BRIP1: variants seen among roughly 807,000 people sequenced by gnomAD.
The protein encoded by BRIP1 is BRCA1 interacting DNA helicase 1.
A neutral mutation model predicts 119.7 loss-of-function variants in BRIP1; 88 were observed. The observed-to-expected ratio is 0.74, with a 90% CI of 0.62 to 0.88. The LOEUF (loss-of-function observed/expected upper bound fraction) is 0.88, where lower values mean the gene tolerates loss of function less well. Among genes scored for constraint, BRIP1 ranks in the 40% least tolerant of loss-of-function variants. The pLI is 0.00. For synonymous variants in BRIP1, 443 were observed against 496.5 expected (o/e 0.89, Z 1.43); for missense variants, 1,259 against 1,455.4 (o/e 0.87, Z 2.20).
At chr17:61,785,454 T>A (rs1257043016) in intron 10 of BRIP1, among the ~76,000 whole-genome samples, 2 of 152,104 alleles carry the variant, frequency 1.3e-5, no homozygotes, top group East Asian at 3.8e-4. Flanking sequence ...GACAATAAAA[T>A]GTGTTCAATG....
At chr17:61,792,927 G>A (rs1270699965) in intron 10 of BRIP1, among the ~76,000 whole-genome samples, 1 of 152,166 alleles carries the variant, frequency 6.6e-6, no homozygotes, top group Non-Finnish European at 1.5e-5. Context: ...TGTGTATTGT[G>A]TATGTGTATA....
rs997615839 is a variant in BRIP1, at chr17:61,805,129, G to A, written c.918+3338C>T. On this transcript the variant is annotated intron_variant, in intron 7 of 19. Coordinates refer to ENST00000259008, the MANE Select transcript of BRIP1 (RefSeq NM_032043.3). This position sits in a 1 kb window ranked among gnomAD's most constrained non-coding sequence, Gnocchi z 5.6. ...TATGAATTATCCAAAAGGAGAATCC[G>A]TGTTTTCAAAACATACATACATCAA... Among the ~76,000 whole-genome samples, 12 of 152,064 alleles carry A rather than the reference G, an allele frequency of 7.9e-5. No homozygotes were observed. The highest frequency in any genetic ancestry group is 2.1e-4 in the South Asian group (1 of 4,818).
Position 61,679,820 on chromosome 17 carries a change from T to C in BRIP1, c.*3476A>G, listed in dbSNP as rs973464612. Among the ~76,000 whole-genome samples, 2 of 152,222 alleles carry C rather than the reference T, an allele frequency of 1.3e-5. No homozygotes were observed. The highest frequency in any genetic ancestry group is 4.8e-5 in the African/African-American group (2 of 41,462). On this transcript the variant is annotated 3_prime_UTR_variant, in exon 20 of 20. Transcript: ENST00000259008. This position sits in a 1 kb window ranked among gnomAD's most constrained non-coding sequence, Gnocchi z 4.4. ...TCTTTTAAAAGTATGTTATCAGTAA[T>C]GAAAATGGCCTACATCCTACTCTAT...
At position 61,858,163 on chromosome 17, in the gene BRIP1, A is replaced by G. The variant is rs138095548; in HGVS notation, c.206-932T>C. Among the ~76,000 whole-genome samples, 4 of 152,262 alleles carry G rather than the reference A, an allele frequency of 2.6e-5. No homozygotes were observed. The East Asian group carries it at 7.7e-4, about 29-fold the overall frequency. ...TGCCTACATTGTATACAAATGTACA[A>G]TTCATATACCCCCAAAAAAGCTAAA... On this transcript the variant is annotated intron_variant, in intron 3 of 19. Coordinates refer to ENST00000259008, the MANE Select transcript of BRIP1 (RefSeq NM_032043.3).
chr17:61,693,562 C>G lies in BRIP1; in HGVS notation c.2493-50G>C, dbSNP rs142108255. 2 of 1,448,450 alleles carry G rather than the reference C, an allele frequency of 1.4e-6. No individual in the cohort carries two copies. The highest frequency in any genetic ancestry group is 1.9e-6 in the Non-Finnish European group (2 of 1,030,846). 89.7% of individuals were successfully genotyped at this position (1,448,450 alleles called of 1,614,324 possible). On this transcript the variant is annotated intron_variant, in intron 17 of 19. Transcript: ENST00000259008. This position sits in a 1 kb window ranked among gnomAD's most constrained non-coding sequence, Gnocchi z 4.2. ...AATAATTATAACATCGGAAATAAAT[C>G]CAGTTTTCCAGTGGGACAGACAGAA... is the stretch of plus-strand genomic sequence containing the variant.
At position 61,738,190 on chromosome 17, in the gene BRIP1, T is replaced by C. The variant is rs2076943638; in HGVS notation, c.2379+4823A>G. On this transcript the variant is annotated intron_variant, in intron 16 of 19. Coordinates refer to ENST00000259008, the MANE Select transcript of BRIP1 (RefSeq NM_032043.3). The surrounding 1 kb of genome is among the most constrained non-coding windows in gnomAD (Gnocchi z 4.2). ...CCAACCAACCAAGCCCAAGCCTAGA[T>C]CATCTGTCACCCAATCACTCCAGAG... Among the ~76,000 whole-genome samples, 1 of 152,140 alleles carries C rather than the reference T, an allele frequency of 6.6e-6. No individual in the cohort carries two copies. Among genetic ancestry groups the C allele is most frequent in the Admixed American group, 6.5e-5 (1 of 15,282 alleles).
rs1243851178 is a variant in BRIP1, at chr17:61,689,035, TA to T, written c.2576-2871del. On this transcript the variant is annotated intron_variant, in intron 18 of 19. Transcript: ENST00000259008. This position sits in a 1 kb window ranked among gnomAD's most constrained non-coding sequence, Gnocchi z 4.5. Reference sequence around the variant, plus strand: ...TTATATATTTTATATTCTGTTATGTTATGTTATGTTATGTTATGTTATTTTT... The same window carrying T: ...TTATATATTTTATATTCTGTTATGTTTGTTATGTTATGTTATGTTATTTTT... 6.6e-6 allele frequency among the ~76,000 whole-genome samples: 1 copy of T among 151,462 alleles called. No individual in the cohort carries two copies. The highest frequency in any genetic ancestry group is 2.4e-5 in the African/African-American group (1 of 41,118).
At chr17:61,781,118 T>TC in intron 11 of BRIP1, 113 bp from the exon 12 acceptor site, 1 of 932,728 alleles carries the variant, frequency 1.1e-6, no homozygotes, top group Non-Finnish European at 1.6e-6. Flanking sequence ...GCTGGTACCT[T>TC]CCCATTCAAA....
Position 61,773,615 on chromosome 17 carries a change from T to C in BRIP1, c.2097+2786A>G, listed in dbSNP as rs2077491215. Among the ~76,000 whole-genome samples, 3 of 151,664 alleles carry C rather than the reference T, an allele frequency of 2.0e-5. No individual in the cohort carries two copies. The East Asian group carries it at 5.8e-4, about 29-fold the overall frequency. On this transcript the variant is annotated intron_variant, in intron 14 of 19. Coordinates refer to ENST00000259008, the MANE Select transcript of BRIP1 (RefSeq NM_032043.3). ...ACAGCAAAAGAAACTACCATCAGAGTGAACAGCCTACAGAACATTCTGTAG... is the reference window on the plus strand; with the variant it reads ...ACAGCAAAAGAAACTACCATCAGAGCGAACAGCCTACAGAACATTCTGTAG...
intron 16 of BRIP1, among the ~76,000 whole-genome samples, chr17:61,728,427 T>A (rs2076799434): frequency 6.6e-6 from 1 of 151,722 alleles, no homozygotes; most frequent in African/African-American, 2.4e-5. Flanking sequence ...TCAGTAAAGC[T>A]AAGAGACATC....
In BRIP1 at chr17:61,849,129, C is replaced by A. The variant is rs876660937; in HGVS notation, c.507G>T (p.Gln169His). ...TTTACTGCCAATAAACTCTGTTTACCTGCTGTGTAGTTTCTAAGGGTCGAA... is the reference window on the plus strand; with the variant it reads ...TTTACTGCCAATAAACTCTGTTTACATGCTGTGTAGTTTCTAAGGGTCGAA... ...KRIRPLETTQ[Q>H]IRKRHCFGTE... The change falls in exon 5 of 20, where the codon CAG becomes CAT. Residue 169 changes from glutamine (Q) to histidine (H), a missense_variant and splice_region_variant. Transcript: ENST00000259008. 3 of 1,613,518 alleles carry A rather than the reference C, an allele frequency of 1.9e-6. No individual in the cohort carries two copies. Among genetic ancestry groups the A allele is most frequent in the Non-Finnish European group, 2.5e-6 (3 of 1,179,702 alleles).
intron 16 of BRIP1, among the ~76,000 whole-genome samples, chr17:61,733,733 G>A (rs1216862516): frequency 3.3e-5 from 5 of 152,006 alleles, no homozygotes; most frequent in Non-Finnish European, 5.9e-5. Context: ...TAGTAAGATA[G>A]ACAATTCAGA....
In BRIP1 at chr17:61,843,342, G is replaced by C. The variant is rs80213537; in HGVS notation, c.627+3759C>G. 2.0e-5 allele frequency among the ~76,000 whole-genome samples: 3 copies of C among 151,948 alleles called. No individual in the cohort carries two copies. The highest frequency in any genetic ancestry group is 2.9e-5 in the Non-Finnish European group (2 of 67,992). On this transcript the variant is annotated intron_variant, in intron 6 of 19. Coordinates refer to ENST00000259008, the MANE Select transcript of BRIP1 (RefSeq NM_032043.3). The surrounding 1 kb of genome is among the most constrained non-coding windows in gnomAD (Gnocchi z 5.7). ...TACTATATTCTAGGCTGGATATTTC[G>C]ATATTGGCTTTAAAATTTTCAGGTG...
chr17:61,801,933 A>G (rs1292833183), intron 7 of BRIP1, among the ~76,000 whole-genome samples: 1 of 152,102 alleles, frequency 6.6e-6, no homozygotes, highest in Non-Finnish European at 1.5e-5. Context: ...ATGTGATAGT[A>G]TTTCTTATTC....
In BRIP1 at chr17:61,799,172, T is replaced by C. The variant is rs746778889; in HGVS notation, c.1268A>G (p.Asp423Gly). 17 of 1,613,612 alleles carry C rather than the reference T, an allele frequency of 1.1e-5. No homozygotes were observed. The highest frequency in any genetic ancestry group is 1.7e-5 in the Admixed American group (1 of 59,928). Reference sequence around the variant, plus strand: ...CCTTATATTATTGTTGACCATACTATCTAGTTCATCCCGAGCAAACCGAAG... The same window carrying C: ...CCTTATATTATTGTTGACCATACTACCTAGTTCATCCCGAGCAAACCGAAG... The part of the protein sequence containing the change: ...VQLRFARDEL[D>G]SMVNNNIRKK... Residue 423 changes from aspartate (D) to glycine (G), a missense_variant, in exon 9 of 20, where the codon GAT becomes GGT. This residue lies in a region of BRIP1 where 501 missense variants were observed against 544.0 expected (regional missense o/e 0.92). Transcript: ENST00000259008. The surrounding 1 kb of genome is among the most constrained non-coding windows in gnomAD (Gnocchi z 5.1).
chr17:61,784,243 A>G (rs1295346966), intron 11 of BRIP1, 27 bp downstream of exon 11: 1 of 1,599,620 alleles, frequency 6.3e-7, no homozygotes, highest in Non-Finnish European at 8.6e-7. Context: ...TTTAAAAGGA[A>G]AATACATACT....
In BRIP1 at chr17:61,710,267, T is replaced by C. The variant is rs1338333182; in HGVS notation, c.2492+5684A>G. 6.6e-6 allele frequency among the ~76,000 whole-genome samples: 1 copy of C among 152,148 alleles called. No individual in the cohort carries two copies. The highest frequency in any genetic ancestry group is 1.5e-5 in the Non-Finnish European group (1 of 68,022). On this transcript the variant is annotated intron_variant, in intron 17 of 19. Transcript: ENST00000259008. This position sits in a 1 kb window ranked among gnomAD's most constrained non-coding sequence, Gnocchi z 5.4. Reference sequence around the variant, plus strand: ...AAGCATGTTTTGAAGCTCTAAAAGCTCTCTGGGCAATGTTGTATGGCAGGA... The same window carrying C: ...AAGCATGTTTTGAAGCTCTAAAAGCCCTCTGGGCAATGTTGTATGGCAGGA...
At chr17:61,850,106 T>C (rs1164054731) in intron 4 of BRIP1, among the ~76,000 whole-genome samples, 1 of 145,410 alleles carries the variant, frequency 6.9e-6, no homozygotes, top group Admixed American at 6.9e-5. Context: ...TTAACCATCT[T>C]TTTTTTTTTT....
rs1417000484 is a variant in BRIP1 at position 61,802,814 on chromosome 17, C to T, written c.919-1340G>A. Among the ~76,000 whole-genome samples the T allele has an allele frequency of 2.6e-5, 4 of 152,140 alleles. No homozygotes were observed. The highest frequency in any genetic ancestry group is 4.4e-5 in the Non-Finnish European group (3 of 68,020). On this transcript the variant is annotated intron_variant, in intron 7 of 19. Transcript: ENST00000259008. This position sits in a 1 kb window ranked among gnomAD's most constrained non-coding sequence, Gnocchi z 6.0. Reference sequence around the variant, plus strand: ...TTAGAAATGGCATTATGGGATCAGACGCTACAAGGTATTTTTAAGTTTCTT... The same window carrying T: ...TTAGAAATGGCATTATGGGATCAGATGCTACAAGGTATTTTTAAGTTTCTT...
Sources: gnomAD v4.1 joint callset for allele counts (sites outside exome capture counted in the v4.1 genomes callset) on GRCh38, gnomAD v4.1.1 for gene constraint, gnomAD v4.1.1 regional missense constraint, Gnocchi (gnomAD v3.1) non-coding constraint, MANE v1.5 for transcripts, NCBI Gene and HGNC (gene_info 2026-07-23, HGNC 2026-07-21) for gene names.